Variants in SETD2 observed in about 807,000 individuals in gnomAD.
SETD2 encodes histone-lysine N-methyltransferase SETD2.
A neutral mutation model predicts 242.1 loss-of-function variants in SETD2; 31 were observed. The ratio of observed to expected loss-of-function variants is 0.13; its 90% CI spans 0.10 to 0.17. SETD2 has a LOEUF of 0.17. Among genes scored for constraint, SETD2 ranks in the 10% least tolerant of loss-of-function variants. The pLI is 1.00. For missense variants in SETD2, 2,481 were observed against 3,046.3 expected (o/e 0.81, Z 4.37); for synonymous variants, 1,006 against 1,066.5 (o/e 0.94, Z 1.11).
chr3:47,122,805 T>A lies in SETD2; in HGVS notation c.1831A>T (p.Lys611Ter), dbSNP rs2106687924. 6.2e-7 allele frequency: 1 copy of A among 1,613,374 alleles called. No individual in the cohort carries two copies. ...TTTGATGGAGCTGGAGACCCAGCCT[T>A]TTCTCTTTCAGGATTTTTATTAATC... ...RMINKNPEREKAGSPAPSNRL... is the reference protein window; with the variant it reads ...RMINKNPERE The change falls in exon 3 of 21, where the codon AAG (lysine) becomes TAG (stop). Residue 611 changes from lysine (K) to a stop codon, truncating the protein, a stop_gained. Coordinates refer to ENST00000409792, the MANE Select transcript of SETD2 (RefSeq NM_014159.7). LOFTEE classifies it high-confidence loss of function.
chr3:47,139,919 T>C (rs1469018766), intron 1 of SETD2, among the ~76,000 whole-genome samples: 1 of 152,190 alleles, frequency 6.6e-6, no homozygotes, highest in Admixed American at 6.5e-5. Flanking sequence ...AGTCCACATC[T>C]TCAACTGGTA....
At chr3:47,118,198 G>A (rs9828473) in intron 3 of SETD2, among the ~76,000 whole-genome samples, 5,727 of 152,228 alleles carry the variant, frequency 0.038, 376 homozygotes, top group African/African-American at 0.13. Flanking sequence ...ATGACTAAAC[G>A]AAATTATCTA....
At chr3:47,075,649 G>A (rs1243471147) in intron 12 of SETD2, among the ~76,000 whole-genome samples, 1 of 150,260 alleles carries the variant, frequency 6.7e-6, no homozygotes, top group African/African-American at 2.5e-5. Flanking sequence ...AGAAAAGACA[G>A]AGAAATAGTT....
At chr3:47,101,617 T>A in intron 7 of SETD2, 62 bp from the exon 8 acceptor site, 4 of 832,068 alleles carry the variant, frequency 4.8e-6, no homozygotes, top group Non-Finnish European at 8.1e-6. Flanking sequence ...TGTGTGTGTG[T>A]GTGTGTGTGT....
rs79545841 is a variant in SETD2, at chr3:47,042,292, C to G, written c.7238+269G>C. On this transcript the variant is annotated intron_variant, in intron 17 of 20. Coordinates refer to ENST00000409792, the MANE Select transcript of SETD2 (RefSeq NM_014159.7). ...CACGAGAATCACTTGAACATGGGAG[C>G]AGAAGGTTGCAGTGAGTTGAGATCA... Among the ~76,000 whole-genome samples the G allele has an allele frequency of 0.03, 4,640 of 152,238 alleles. 226 individuals carry two copies. The highest frequency in any genetic ancestry group is 0.13 in the East Asian group (682 of 5,178).
intron 9 of SETD2, among the ~76,000 whole-genome samples, chr3:47,092,244 G>A (rs1179524119): frequency 6.6e-6 from 1 of 152,066 alleles, no homozygotes; most frequent in Admixed American, 6.6e-5. Flanking sequence ...CAATTCCAGT[G>A]GTGATAATAC....
At chr3:47,076,674 A>G (rs1343626800) in intron 12 of SETD2, among the ~76,000 whole-genome samples, 1 of 152,254 alleles carries the variant, frequency 6.6e-6, no homozygotes, top group Non-Finnish European at 1.5e-5. Flanking sequence ...ACAGTTGTAT[A>G]GAAGTACAGA....
intron 1 of SETD2, among the ~76,000 whole-genome samples, chr3:47,141,754 C>T (rs914971062): frequency 6.6e-6 from 1 of 152,202 alleles, no homozygotes; most frequent in Non-Finnish European, 1.5e-5. Context: ...AGTTACCACC[C>T]GACCAAAATC....
chr3:47,108,280 C>T (rs1194134283), intron 5 of SETD2, among the ~76,000 whole-genome samples: 1 of 152,254 alleles, frequency 6.6e-6, no homozygotes, highest in South Asian at 2.1e-4. Flanking sequence ...TATTTCCAAT[C>T]CCTCTTCTGC....
intron 4 of SETD2, 133 bp from the exon 5 acceptor site, chr3:47,114,137 C>A: frequency 2.4e-6 from 2 of 817,720 alleles, no homozygotes; most frequent in South Asian, 3.8e-5. Context: ...TGACTAACCC[C>A]CAACTAAGTC....
At chr3:47,125,303 AG>A (rs1289929635) in intron 2 of SETD2, among the ~76,000 whole-genome samples, 1 of 150,690 alleles carries the variant, frequency 6.6e-6, no homozygotes, top group East Asian at 1.9e-4. Context: ...TGGGCAACAG[AG>A]CGAGCCTCTG....
intron 18 of SETD2, among the ~76,000 whole-genome samples, chr3:47,033,652 ATTTTTTT>A (rs34978514): frequency 1.3e-4 from 12 of 90,856 alleles, no homozygotes; most frequent in African/African-American, 2.3e-4. Context: ...TCATGGTTTG[ATTTTTTT>A]TTTTTTTTTT....
chr3:47,058,440 C>CAAAAA lies in SETD2; in HGVS notation c.6294-955_6294-951dup, dbSNP rs1174283471. 1.4e-3 allele frequency among the ~76,000 whole-genome samples: 30 copies of CAAAAA among 21,964 alleles called. 3 individuals are homozygous for CAAAAA. Among genetic ancestry groups the CAAAAA allele is most frequent in the African/African-American group, 4.5e-3 (18 of 4,024 alleles). 14.4% of individuals were successfully genotyped at this position (21,964 alleles called of 152,430 possible). On this transcript the variant is annotated intron_variant, in intron 14 of 20. Coordinates refer to ENST00000409792, the MANE Select transcript of SETD2 (RefSeq NM_014159.7). ...TGGGCAACAGGGCAAGACACCGTCT[C>CAAAAA]AAAAAAAAAAAAAAAAAAAAAAAAC...
chr3:47,156,835 A>C (rs1379932412), intron 1 of SETD2, among the ~76,000 whole-genome samples: 1 of 152,188 alleles, frequency 6.6e-6, no homozygotes, highest in Admixed American at 6.6e-5. Flanking sequence ...TATCTTCTCC[A>C]TTCTAACATG....
intron 15 of SETD2, among the ~76,000 whole-genome samples, chr3:47,055,162 T>C (rs945058500): frequency 6.6e-6 from 1 of 152,126 alleles, no homozygotes; most frequent in Non-Finnish European, 1.5e-5. Context: ...GTTAATACAG[T>C]TAGGGTTTTA....
chr3:47,088,021 ACT>A, intron 10 of SETD2, 90 bp downstream of exon 10: 1 of 1,257,064 alleles, frequency 8.0e-7, no homozygotes, highest in Non-Finnish European at 1.1e-6. Context: ...AATAAGACTA[ACT>A]CTTATCAGAA....
chr3:47,129,719 C>CTACAAAAA (rs1193583668), intron 1 of SETD2, among the ~76,000 whole-genome samples: 1 of 152,056 alleles, frequency 6.6e-6, no homozygotes, highest in East Asian at 1.9e-4. Context: ...AACCCCATCT[C>CTACAAAAA]TACAAAAATA....
chr3:47,037,386 G>GT (rs1252747511), intron 18 of SETD2, among the ~76,000 whole-genome samples: 1 of 148,632 alleles, frequency 6.7e-6, no homozygotes, highest in Non-Finnish European at 1.5e-5. Flanking sequence ...GCGGTGTTTG[G>GT]TTTTTTGTCC....
intron 13 of SETD2, 90 bp downstream of exon 13, chr3:47,066,980 C>T (rs2040583975): frequency 1.0e-6 from 1 of 959,600 alleles, no homozygotes; most frequent in African/African-American, 1.7e-5. Context: ...GTTTCAAAAA[C>T]AAAAACGCTT....
Sources: allele counts gnomAD v4.1 joint callset (sites outside exome capture counted in the v4.1 genomes callset), GRCh38; gene constraint gnomAD v4.1.1; transcripts MANE v1.5; gene names NCBI Gene and HGNC (gene_info 2026-07-23, HGNC 2026-07-21).